SKP1: variants seen among roughly 807,000 people sequenced by gnomAD.
SKP1 encodes the protein S-phase kinase-associated protein 1.
Under a neutral mutation model 21.5 loss-of-function variants are expected in SKP1, and 1 was observed. That is an observed-to-expected ratio of 0.05 (90% CI 0.02 to 0.22). SKP1 has a LOEUF of 0.22. SKP1 is among the 10% of genes least tolerant of loss of function. The pLI is 1.00. For synonymous variants in SKP1, 59 were observed against 59.3 expected (o/e 0.99, Z 0.03); for missense variants, 70 against 192.0 (o/e 0.36, Z 3.76).
At chr5:134,158,138 C>A (rs941139063) in intron 5 of SKP1, 31 of 1,372,738 alleles carry the variant, frequency 2.3e-5, no homozygotes, top group African/African-American at 2.9e-5. Context: ...ATACTTCTCT[C>A]TAGGGCCTGC....
In SKP1 at chr5:134,173,058, C is replaced by A. The variant is rs185468350; in HGVS notation, c.97+868G>T. 1.3e-3 allele frequency among the ~76,000 whole-genome samples: 200 copies of A among 149,196 alleles called. 1 individual carries two copies. The highest frequency in any genetic ancestry group is 3.6e-3 in the Middle Eastern group (1 of 274). ...AATTAAAAAATCAGCTGGGGCAGGG[C>A]GCGGTGGCTCACACCTGTGATCCCA... On this transcript the variant is annotated intron_variant, in intron 2 of 5. Coordinates refer to ENST00000353411, the MANE Select transcript of SKP1 (RefSeq NM_170679.3).
Position 134,155,436 on chromosome 5 carries a change from C to G in SKP1, c.*2297G>C, listed in dbSNP as rs755339334. 2 of 152,122 alleles carry G rather than the reference C, an allele frequency of 1.3e-5. No homozygotes were observed. Among genetic ancestry groups the G allele is most frequent in the Non-Finnish European group, 2.9e-5 (2 of 68,012 alleles). 9.4% of individuals were successfully genotyped at this position (152,122 alleles called of 1,614,324 possible). A position where few individuals can be genotyped will look rare whatever the true frequency, so the allele number is the denominator to read the frequency against. On this transcript the variant is annotated 3_prime_UTR_variant, in exon 6 of 6. Coordinates refer to ENST00000353411, the MANE Select transcript of SKP1 (RefSeq NM_170679.3). ...TACCATGTCTATGATTTATTTGGGTCCACAATGGTGAAAAATGGCTTATTT... is the reference window on the plus strand; with the variant it reads ...TACCATGTCTATGATTTATTTGGGTGCACAATGGTGAAAAATGGCTTATTT...
intron 1 of SKP1, among the ~76,000 whole-genome samples, chr5:134,175,894 T>C (rs1285950421): frequency 6.6e-6 from 1 of 151,894 alleles, no homozygotes; most frequent in Non-Finnish European, 1.5e-5. Context: ...TAAATAATTC[T>C]CCATGGCCAG....
At chr5:134,173,783 T>TAA in intron 2 of SKP1, 143 bp downstream of exon 2, 1 of 702,760 alleles carries the variant, frequency 1.4e-6, no homozygotes, top group Non-Finnish European at 2.7e-6. Context: ...CAGAAAAATG[T>TAA]AAGTTATAAA....
intron 3 of SKP1, 22 bp from the exon 4 acceptor site, chr5:134,161,152 C>A: frequency 6.4e-7 from 1 of 1,571,940 alleles, no homozygotes; most frequent in Non-Finnish European, 8.6e-7. Context: ...AAAGTTCATT[C>A]CTCTGTGGCA....
At chr5:134,158,163 A>G (rs1317009026) in intron 5 of SKP1, 6 of 1,384,338 alleles carry the variant, frequency 4.3e-6, no homozygotes, top group Middle Eastern at 2.5e-4. Context: ...CTGATGTCAG[A>G]TATGTATGGT....
intron 4 of SKP1, 94 bp downstream of exon 4, chr5:134,160,893 T>G: frequency 1.2e-6 from 1 of 807,204 alleles, no homozygotes; most frequent in Non-Finnish European, 2.0e-6. Context: ...TTAGAGAGTA[T>G]TAAAATTCAG....
In SKP1 at chr5:134,156,196, C is replaced by A. The variant is rs1761117780; in HGVS notation, c.*1537G>T. On this transcript the variant is annotated 3_prime_UTR_variant, in exon 6 of 6. Transcript: ENST00000353411. The stretch of plus-strand genomic sequence containing the variant: ...TTCAGCTAGGACTATACACCGCTAC[C>A]TTCCCCACTAAAACCAGGACAAACA... 1 of 151,938 alleles carries A rather than the reference C, an allele frequency of 6.6e-6. No homozygotes were observed. The highest frequency in any genetic ancestry group is 6.6e-5 in the Admixed American group (1 of 15,246). 9.4% of individuals were successfully genotyped at this position (151,938 alleles called of 1,614,324 possible). A position where few individuals can be genotyped will look rare whatever the true frequency, so the allele number is the denominator to read the frequency against.
At position 134,151,855 on chromosome 5, in the gene SKP1, C is replaced by T. The variant is rs17167316; in HGVS notation, c.*5878G>A. The T allele has an allele frequency of 7.3e-3, 2,441 of 333,832 alleles. 43 individuals are homozygous for T. Among genetic ancestry groups the T allele is most frequent in the African/African-American group, 0.047 (2,185 of 46,910 alleles). 20.7% of individuals were successfully genotyped at this position (333,832 alleles called of 1,614,324 possible). A position where few individuals can be genotyped will look rare whatever the true frequency, so the allele number is the denominator to read the frequency against. Reference sequence around the variant, plus strand: ...GCCATCTATCACTCAAACTATGTCCCGCATTGGAAGTGTGTCAAGCAAGAG... The same window carrying T: ...GCCATCTATCACTCAAACTATGTCCTGCATTGGAAGTGTGTCAAGCAAGAG... On this transcript the variant is annotated 3_prime_UTR_variant, in exon 6 of 6. Transcript: ENST00000353411.
intron 4 of SKP1, among the ~76,000 whole-genome samples, chr5:134,159,507 A>G (rs1034136676): frequency 6.6e-6 from 1 of 151,338 alleles, no homozygotes; most frequent in Non-Finnish European, 1.5e-5. Flanking sequence ...CAGTCTCCCA[A>G]GTAGCTGGGA....
chr5:134,174,091 G>C, intron 1 of SKP1, 69 bp from the exon 2 acceptor site: 1 of 950,170 alleles, frequency 1.1e-6, no homozygotes, highest in Non-Finnish European at 1.7e-6. Context: ...ATCAACTACA[G>C]TCCATCAGAA....
Position 134,176,948 on chromosome 5 carries a change from A to T in SKP1, c.-94T>A, listed in dbSNP as rs1761563113. The T allele has an allele frequency of 6.6e-6, 1 of 152,374 alleles. No individual in the cohort carries two copies. The highest frequency in any genetic ancestry group is 2.4e-5 in the African/African-American group (1 of 41,462). 9.4% of individuals were successfully genotyped at this position (152,374 alleles called of 1,614,324 possible). A position where few individuals can be genotyped will look rare whatever the true frequency, so the allele number is the denominator to read the frequency against. On this transcript the variant is annotated 5_prime_UTR_variant, in exon 1 of 6. Transcript: ENST00000353411. ...GAAAAACCGAAGACGAAGCCACTACAGCGTCGCAGCGCGGCGCGGCGTCTG... is the reference window on the plus strand; with the variant it reads ...GAAAAACCGAAGACGAAGCCACTACTGCGTCGCAGCGCGGCGCGGCGTCTG...
chr5:134,159,081 T>C (rs1474635390), intron 4 of SKP1, among the ~76,000 whole-genome samples: 1 of 152,378 alleles, frequency 6.6e-6, no homozygotes, highest in South Asian at 2.1e-4. Flanking sequence ...TTTCATCTTT[T>C]ACTAGTTTAA....
Position 134,151,673 on chromosome 5 carries a change from G to A in SKP1, c.*6060C>T, listed in dbSNP as rs1231208209. ...ACTTCCAGAAAATTTAAAGTTGACA[G>A]ATATCAGAAGGTCGCAAGAACTACA... On this transcript the variant is annotated 3_prime_UTR_variant, in exon 6 of 6. Transcript: ENST00000353411. 80 of 456,094 alleles carry A rather than the reference G, an allele frequency of 1.8e-4. 1 individual carries two copies. The highest frequency in any genetic ancestry group is 3.5e-5 in the Non-Finnish European group (8 of 226,918). 28.3% of individuals were successfully genotyped at this position (456,094 alleles called of 1,614,324 possible).
rs1433908135 is a variant in SKP1, at chr5:134,149,803, G to A, written c.*7930C>T. ...GGTACCTGAACAATGCAGTCTTTGT[G>A]TATTGGCGGGGAAGTCTTTGGCAAC... is the stretch of plus-strand genomic sequence containing the variant. On this transcript the variant is annotated 3_prime_UTR_variant, in exon 6 of 6. Coordinates refer to ENST00000353411, the MANE Select transcript of SKP1 (RefSeq NM_170679.3). The A allele has an allele frequency of 6.6e-6, 1 of 151,766 alleles. No homozygotes were observed. The highest frequency in any genetic ancestry group is 1.5e-5 in the Non-Finnish European group (1 of 68,002). 9.4% of individuals were successfully genotyped at this position (151,766 alleles called of 1,614,324 possible). A position where few individuals can be genotyped will look rare whatever the true frequency, so the allele number is the denominator to read the frequency against.
At chr5:134,160,786 T>C (rs1761206538) in intron 4 of SKP1, among the ~76,000 whole-genome samples, 1 of 152,254 alleles carries the variant, frequency 6.6e-6, no homozygotes, top group Non-Finnish European at 1.5e-5. Context: ...AAGCTTGCTT[T>C]TCTGATCTGG....
intron 2 of SKP1, 143 bp downstream of exon 2, chr5:134,173,783 T>C (rs1449212159): frequency 2.8e-6 from 2 of 702,760 alleles, no homozygotes; most frequent in Admixed American, 4.1e-5. Context: ...CAGAAAAATG[T>C]AAGTTATAAA....
chr5:134,161,895 C>T (rs1761227146), intron 3 of SKP1: 1 of 152,154 alleles, frequency 6.6e-6, no homozygotes, highest in South Asian at 2.1e-4. Flanking sequence ...AAAATCAATA[C>T]TGAAAGTGTT....
At chr5:134,171,339 TCCC>T (rs1312811642) in intron 2 of SKP1, among the ~76,000 whole-genome samples, 3 of 152,138 alleles carry the variant, frequency 2.0e-5, no homozygotes, top group Non-Finnish European at 4.4e-5. Context: ...CCTAGAAATG[TCCC>T]CTTTTCCCTT....
Sources: allele counts gnomAD v4.1 joint callset (sites outside exome capture counted in the v4.1 genomes callset), GRCh38; gene constraint gnomAD v4.1.1; transcripts MANE v1.5; gene names NCBI Gene and HGNC (gene_info 2026-07-23, HGNC 2026-07-21).